PIAS1: variants seen among roughly 807,000 people sequenced by gnomAD.
PIAS1 encodes E3 SUMO-protein ligase PIAS1.
Under a neutral mutation model 71.3 loss-of-function variants are expected in PIAS1, and 6 were observed. The observed-to-expected ratio is 0.08, with a 90% confidence interval of 0.05 to 0.17. PIAS1 has a LOEUF of 0.17. Among genes scored for constraint, PIAS1 ranks in the 10% least tolerant of loss-of-function variants. PIAS1 has a pLI of 1.00. For missense variants in PIAS1, 555 were observed against 793.6 expected, an observed-to-expected ratio of 0.70 and a Z score of 3.61; for synonymous variants, 303 against 292.9, an observed-to-expected ratio of 1.03 and a Z score of -0.35.
At chr15:68,099,220 C>T (rs969083981) in intron 2 of PIAS1, among the ~76,000 whole-genome samples, 15 of 148,442 alleles carry the variant, frequency 1.0e-4, no homozygotes, top group African/African-American at 3.7e-4. Flanking sequence ...GTTTTACTCT[C>T]GTCACTCAGG....
chr15:68,151,663 CAA>C (rs71455581), intron 6 of PIAS1, among the ~76,000 whole-genome samples: 70,933 of 141,586 alleles, frequency 0.5, 17,822 homozygotes, highest in Middle Eastern at 0.59. Context: ...CTACTAAAAA[CAA>C]AAAAAACAAA....
chr15:68,128,885 A>G (rs192204277), intron 2 of PIAS1, among the ~76,000 whole-genome samples: 118 of 152,358 alleles, frequency 7.7e-4, no homozygotes, highest in Admixed American at 4.0e-3. Flanking sequence ...TAAATGTTAG[A>G]AAAGATAAAC....
intron 1 of PIAS1, among the ~76,000 whole-genome samples, chr15:68,060,841 G>A (rs1010648027): frequency 6.6e-6 from 1 of 152,196 alleles, no homozygotes. Flanking sequence ...GCGCCACTGC[G>A]CCCAGCTAAT....
chr15:68,191,550 C>T lies in PIAS1; in HGVS notation c.*3715C>T, dbSNP rs751095353. The T allele has an allele frequency of 6.6e-6, 1 of 152,658 alleles. No homozygotes were observed. Among genetic ancestry groups the T allele is most frequent in the African/African-American group, 2.4e-5 (1 of 41,454 alleles). The allele number at this position is 152,658 out of a possible 1,614,324, so 9.5% of individuals were successfully genotyped here. On this transcript the variant is annotated 3_prime_UTR_variant, in exon 14 of 14. Coordinates refer to ENST00000249636, the MANE Select transcript of PIAS1 (RefSeq NM_016166.3). ...GATAATGGTTTGTGCTTCCAAAGCA[C>T]CTTTCATCCAGAGATTTCAAAGCAT...
At chr15:68,145,967 A>T in intron 5 of PIAS1, 61 bp downstream of exon 5, 1 of 943,828 alleles carries the variant, frequency 1.1e-6, no homozygotes, top group Non-Finnish European at 1.7e-6. Flanking sequence ...ATAAGTCATC[A>T]CAACTGTTGT....
At chr15:68,124,259 G>A (rs1158718788) in intron 2 of PIAS1, among the ~76,000 whole-genome samples, 3 of 152,140 alleles carry the variant, frequency 2.0e-5, no homozygotes, top group Non-Finnish European at 4.4e-5. Context: ...ATGTAAAGAA[G>A]TAAAACATTT....
At chr15:68,074,190 G>A (rs894497356) in intron 1 of PIAS1, among the ~76,000 whole-genome samples, 9 of 152,264 alleles carry the variant, frequency 5.9e-5, no homozygotes, top group African/African-American at 1.9e-4. Context: ...TAGAGATAGC[G>A]TTTTGAAGTT....
intron 8 of PIAS1, among the ~76,000 whole-genome samples, chr15:68,166,934 T>A (rs1020609757): frequency 2.0e-5 from 3 of 152,288 alleles, no homozygotes; most frequent in Non-Finnish European, 2.9e-5. Flanking sequence ...CATGCAGTGC[T>A]CCTGCTTCAA....
At chr15:68,151,182 T>G (rs949095983) in intron 6 of PIAS1, among the ~76,000 whole-genome samples, 2 of 150,578 alleles carry the variant, frequency 1.3e-5, no homozygotes, top group Non-Finnish European at 2.9e-5. Flanking sequence ...TTTGGTGGGG[T>G]TTTTTTTGCT....
chr15:68,086,248 A>AAT lies in PIAS1; in HGVS notation c.25-56_25-55dup, dbSNP rs2092280584. On this transcript the variant is annotated intron_variant, in intron 1 of 13. Coordinates refer to ENST00000249636, the MANE Select transcript of PIAS1 (RefSeq NM_016166.3). This position sits in a 1 kb window ranked among gnomAD's most constrained non-coding sequence, Gnocchi z 7.2. ...AGGGGGTTATAATAAAGTGTCATTTAATAGTGTAAATTATATTATTGGAAT... is the reference window on the plus strand; with the variant it reads ...AGGGGGTTATAATAAAGTGTCATTTAATATAGTGTAAATTATATTATTGGAAT... 8.5e-7 allele frequency: 1 copy of AAT among 1,170,384 alleles called. No homozygotes were observed. Among genetic ancestry groups the AAT allele is most frequent in the African/African-American group, 1.5e-5 (1 of 64,518 alleles). 72.5% of individuals were successfully genotyped at this position (1,170,384 alleles called of 1,614,324 possible).
At chr15:68,182,448 G>GTGTGTGTGTGTGTGTGTGTT in intron 12 of PIAS1, among the ~76,000 whole-genome samples, 1 of 145,336 alleles carries the variant, frequency 6.9e-6, no homozygotes, top group Non-Finnish European at 1.5e-5. Flanking sequence ...GTGTGTGTGT[G>GTGTGTGTGTGTGTGTGTGTT]TGTGTGTGTG....
At chr15:68,136,992 A>G (rs963473871) in intron 2 of PIAS1, among the ~76,000 whole-genome samples, 6 of 152,322 alleles carry the variant, frequency 3.9e-5, no homozygotes, top group African/African-American at 1.2e-4. Flanking sequence ...ACTTCTCAAG[A>G]GTTACCAGGA....
At chr15:68,134,699 T>A (rs58568617) in intron 2 of PIAS1, among the ~76,000 whole-genome samples, 4 of 24,330 alleles carry the variant, frequency 1.6e-4, no homozygotes, top group Admixed American at 1.6e-3. Context: ...CCGGAAGGGG[T>A]GGCTGGCCGG....
intron 2 of PIAS1, among the ~76,000 whole-genome samples, chr15:68,099,286 TC>T (rs1260018403): frequency 2.0e-5 from 3 of 151,298 alleles, no homozygotes; most frequent in Non-Finnish European, 4.4e-5. Context: ...TCTTCAAAGT[TC>T]CTTGAGCTTT....
At chr15:68,069,118 A>T (rs2092063851) in intron 1 of PIAS1, among the ~76,000 whole-genome samples, 1 of 148,196 alleles carries the variant, frequency 6.7e-6, no homozygotes, top group Admixed American at 6.8e-5. Context: ...CTGGTCTCGA[A>T]CTCCAGACGT....
In PIAS1 at chr15:68,188,675, C is replaced by A. The variant is rs1222046835; in HGVS notation, c.*840C>A. On this transcript the variant is annotated 3_prime_UTR_variant, in exon 14 of 14. Coordinates refer to ENST00000249636, the MANE Select transcript of PIAS1 (RefSeq NM_016166.3). ...TAAAGCTGTCTGGGTAAGGAGTAGG[C>A]TTAGCCGACCTATGAATAATACACT... The A allele has an allele frequency of 6.6e-6, 1 of 152,196 alleles. No individual in the cohort carries two copies. Among genetic ancestry groups the A allele is most frequent in the Non-Finnish European group, 1.5e-5 (1 of 68,042 alleles). 9.4% of individuals were successfully genotyped at this position (152,196 alleles called of 1,614,324 possible). A position where few individuals can be genotyped will look rare whatever the true frequency, so the allele number is the denominator to read the frequency against.
intron 2 of PIAS1, among the ~76,000 whole-genome samples, chr15:68,123,443 A>G (rs2092627091): frequency 6.6e-6 from 1 of 152,186 alleles, no homozygotes; most frequent in Non-Finnish European, 1.5e-5. Context: ...TTTAAATGTT[A>G]AAATTGCAAC....
At chr15:68,100,978 C>T (rs1299572163) in intron 2 of PIAS1, among the ~76,000 whole-genome samples, 2 of 151,730 alleles carry the variant, frequency 1.3e-5, no homozygotes, top group Admixed American at 6.6e-5. Flanking sequence ...TCCCTGCAGC[C>T]TCAACCTCCC....
intron 1 of PIAS1, among the ~76,000 whole-genome samples, chr15:68,073,208 G>A (rs2092120305): frequency 6.6e-6 from 1 of 151,986 alleles, no homozygotes; most frequent in African/African-American, 2.4e-5. Flanking sequence ...TAGTAGAGAC[G>A]GGGTTTCACT....
Sources: gnomAD v4.1 joint callset for allele counts (sites outside exome capture counted in the v4.1 genomes callset) on GRCh38, gnomAD v4.1.1 for gene constraint, Gnocchi (gnomAD v3.1) non-coding constraint, MANE v1.5 for transcripts, NCBI Gene and HGNC (gene_info 2026-07-23, HGNC 2026-07-21) for gene names.